NOL4: variants seen among roughly 807,000 people sequenced by gnomAD.
NOL4 encodes nucleolar protein 4, also known as cancer/testis antigen 125.
In NOL4, 17 loss-of-function variants were observed where a neutral mutation model predicts 75.9. The ratio of observed to expected loss-of-function variants is 0.22; its 90% CI spans 0.15 to 0.34. The LOEUF is 0.34. NOL4 is among the 10% of genes least tolerant of loss of function. The pLI is 1.00. For synonymous variants in NOL4, 292 were observed against 289.9 expected, an observed-to-expected ratio of 1.01 and a Z score of -0.07; for missense variants, 614 against 793.5, an observed-to-expected ratio of 0.77 and a Z score of 2.72.
chr18:34,110,236 C>T (rs1375039421), intron 2 of NOL4, among the ~76,000 whole-genome samples: 1 of 140,466 alleles, frequency 7.1e-6, no homozygotes, highest in Non-Finnish European at 1.5e-5. Flanking sequence ...AAGGACGCTA[C>T]AAAAAAAGTT....
intron 10 of NOL4, 96 bp downstream of exon 10, chr18:33,883,148 T>C: frequency 2.4e-6 from 2 of 846,576 alleles, no homozygotes; most frequent in Non-Finnish European, 3.6e-6. Context: ...ATGGCACATG[T>C]ATACATATGT....
rs770199213 is a variant in NOL4 at position 33,883,348 on chromosome 18, C to T, written c.1619G>A (p.Gly540Asp). ...QATYSTSAVP[G>D]SQDVLYINGN... ...ATTGATGTACAGCACGTCCTGTGAGCCTGGAACAGCTGATGTTGAGTAAGT... is the reference window on the plus strand; with the variant it reads ...ATTGATGTACAGCACGTCCTGTGAGTCTGGAACAGCTGATGTTGAGTAAGT... Residue 540 changes from glycine to aspartate, a missense_variant, in exon 10 of 11, where the codon GGC becomes GAC. Physicochemically the swap from Gly to Asp is moderately conservative, Grantham distance 94. Coordinates refer to ENST00000261592, the MANE Select transcript of NOL4 (RefSeq NM_003787.5). 1 of 1,613,346 alleles carries T rather than the reference C, an allele frequency of 6.2e-7. No individual in the cohort carries two copies. Among genetic ancestry groups the T allele is most frequent in the Non-Finnish European group, 8.5e-7 (1 of 1,179,572 alleles).
At chr18:34,055,481 T>G (rs1452051314) in intron 5 of NOL4, among the ~76,000 whole-genome samples, 1 of 152,166 alleles carries the variant, frequency 6.6e-6, no homozygotes, top group Non-Finnish European at 1.5e-5. Flanking sequence ...CTGATAATCT[T>G]ATAGAGGCTA....
chr18:34,000,400 A>T (rs1406229910), intron 6 of NOL4, among the ~76,000 whole-genome samples: 1 of 152,178 alleles, frequency 6.6e-6, no homozygotes, highest in Non-Finnish European at 1.5e-5. Flanking sequence ...TTAGGATTCA[A>T]CTATGAATAA....
chr18:33,911,759 G>A (rs1053433224), intron 9 of NOL4, among the ~76,000 whole-genome samples: 3 of 152,034 alleles, frequency 2.0e-5, no homozygotes, highest in Non-Finnish European at 4.4e-5. Context: ...TTCAGTGGAG[G>A]ATATAATCAG....
intron 5 of NOL4, among the ~76,000 whole-genome samples, chr18:34,029,029 G>T (rs1254559108): frequency 7.2e-5 from 11 of 151,726 alleles, no homozygotes; most frequent in Non-Finnish European, 1.6e-4. Flanking sequence ...AGAATCTCTT[G>T]AGCCAAATTC....
chr18:34,187,891 C>A (rs753502188), intron 1 of NOL4, among the ~76,000 whole-genome samples: 70 of 152,116 alleles, frequency 4.6e-4, no homozygotes, highest in Non-Finnish European at 8.5e-4. Context: ...ATTTAAAAAA[C>A]CATGAAACTG....
At chr18:34,036,290 T>C (rs1318104571) in intron 5 of NOL4, among the ~76,000 whole-genome samples, 3 of 152,082 alleles carry the variant, frequency 2.0e-5, no homozygotes, top group Non-Finnish European at 4.4e-5. Flanking sequence ...AGATGAGATT[T>C]ATACCAGGGA....
At chr18:34,011,989 C>G (rs1016389585) in intron 6 of NOL4, among the ~76,000 whole-genome samples, 1 of 151,838 alleles carries the variant, frequency 6.6e-6, no homozygotes, top group African/African-American at 2.4e-5. Flanking sequence ...ATTATAGAAG[C>G]CCCTCACCTT....
Position 34,223,421 on chromosome 18 carries a change from C to G in NOL4, c.-168G>C. On this transcript the variant is annotated 5_prime_UTR_variant, in exon 1 of 11. Transcript: ENST00000261592. ...GGGATGGGAAGAGGGGAGGAGGGTC[C>G]GGTTGGGCACCAGCAATCAATGCCC... 1 of 877,616 alleles carries G rather than the reference C, an allele frequency of 1.1e-6. No homozygotes were observed. Among genetic ancestry groups the G allele is most frequent in the Admixed American group, 2.9e-5 (1 of 34,900 alleles). The allele number at this position is 877,616 out of a possible 1,614,324, so 54.4% of individuals were successfully genotyped here.
intron 10 of NOL4, among the ~76,000 whole-genome samples, chr18:33,865,099 T>C (rs2063368714): frequency 6.6e-6 from 1 of 152,158 alleles, no homozygotes; most frequent in Admixed American, 6.5e-5. Flanking sequence ...TAGACAATTG[T>C]AACCTTCTGG....
chr18:33,883,520 A>G, intron 9 of NOL4, 96 bp from the exon 10 acceptor site: 1 of 819,090 alleles, frequency 1.2e-6, no homozygotes, highest in Non-Finnish European at 1.8e-6. Flanking sequence ...CCTGCATTGA[A>G]TAAGAAAAAA....
intron 6 of NOL4, among the ~76,000 whole-genome samples, chr18:34,010,346 C>A (rs993519046): frequency 6.6e-6 from 1 of 151,694 alleles, no homozygotes; most frequent in African/African-American, 2.4e-5. Flanking sequence ...GTTATTTTTA[C>A]GGCTGAATAG....
chr18:33,926,209 A>T (rs1315167695), intron 9 of NOL4, among the ~76,000 whole-genome samples: 1 of 151,774 alleles, frequency 6.6e-6, no homozygotes, highest in Non-Finnish European at 1.5e-5. Flanking sequence ...AAAATACAAA[A>T]ATTAGCTGGG....
At chr18:34,158,292 C>T (rs2030804277) in intron 1 of NOL4, among the ~76,000 whole-genome samples, 1 of 152,154 alleles carries the variant, frequency 6.6e-6, no homozygotes, top group South Asian at 2.1e-4. Flanking sequence ...CCTCCATTTG[C>T]TCTAATCAGG....
At chr18:34,060,653 G>A (rs908527721) in intron 5 of NOL4, among the ~76,000 whole-genome samples, 2 of 152,060 alleles carry the variant, frequency 1.3e-5, no homozygotes, top group Non-Finnish European at 2.9e-5. Flanking sequence ...CAACTACCTA[G>A]AACAGTGTCT....
At chr18:33,869,976 T>C (rs2063616805) in intron 10 of NOL4, among the ~76,000 whole-genome samples, 1 of 152,136 alleles carries the variant, frequency 6.6e-6, no homozygotes, top group Admixed American at 6.6e-5. Flanking sequence ...TGTTAATGCC[T>C]GTCTCCTCAT....
At chr18:34,149,128 T>G (rs1373297014) in intron 1 of NOL4, among the ~76,000 whole-genome samples, 1 of 151,624 alleles carries the variant, frequency 6.6e-6, no homozygotes, top group East Asian at 1.9e-4. Context: ...AATCATTGTG[T>G]GATAGAGCAG....
rs75427482 is a variant in NOL4 at position 34,168,903 on chromosome 18, A to G, written c.265-38883T>C. Among the ~76,000 whole-genome samples, 722 of 152,028 alleles carry G rather than the reference A, an allele frequency of 4.7e-3. 27 individuals carry two copies. In the East Asian group the frequency reaches 0.099, roughly 21 times the overall value. Reference sequence around the variant, plus strand: ...AAAAATAAACAAGATAGATATGACAAGAATACAAAGAATGCGATATTAAAA... The same window carrying G: ...AAAAATAAACAAGATAGATATGACAGGAATACAAAGAATGCGATATTAAAA... On this transcript the variant is annotated intron_variant, in intron 1 of 10. Coordinates refer to ENST00000261592, the MANE Select transcript of NOL4 (RefSeq NM_003787.5).
Sources: allele counts gnomAD v4.1 joint callset (sites outside exome capture counted in the v4.1 genomes callset), GRCh38; gene constraint gnomAD v4.1.1; transcripts MANE v1.5; gene names NCBI Gene and HGNC (gene_info 2026-07-23, HGNC 2026-07-21).